The following FERRY3 variants were observed in gnomAD, a reference collection of about 807,000 sequenced individuals.
The protein encoded by FERRY3 is FERRY endosomal RAB5 effector complex subunit 3, also known as protein C12orf4.
At chr12:4,514,877 T>TTAAAG in the FERRY3 span, among the ~76,000 whole-genome samples, 1 of 151,840 alleles carries the variant, frequency 6.6e-6, no homozygotes, top group Admixed American at 6.6e-5. Flanking sequence ...ACCCTAAAAC[T>TTAAAG]TAAAGTATAA....
the FERRY3 span, chr12:4,488,651 C>T: frequency 6.6e-6 from 1 of 152,188 alleles, no homozygotes; most frequent in Non-Finnish European, 1.5e-5. The surrounding 1 kb of genome is among the most constrained non-coding windows in gnomAD (Gnocchi z 4.9). Flanking sequence ...ATAGTTATTA[C>T]ACTGAGGCAT....
the FERRY3 span, among the ~76,000 whole-genome samples, chr12:4,493,070 T>C: frequency 6.6e-6 from 1 of 152,212 alleles, no homozygotes; most frequent in Non-Finnish European, 1.5e-5. Flanking sequence ...GAACCTGATC[T>C]TCATTTTTCA....
the FERRY3 span, among the ~76,000 whole-genome samples, chr12:4,515,516 A>G: frequency 6.6e-6 from 1 of 152,142 alleles, no homozygotes. Flanking sequence ...CCTGGAGGAC[A>G]CTAAGCATCC....
At chr12:4,505,298 ATACT>A in the FERRY3 span, 5 of 1,533,446 alleles carry the variant, frequency 3.3e-6, no homozygotes, top group Non-Finnish European at 3.6e-6. Context: ...ATAAAAAGAA[ATACT>A]TACCAGGTAA....
the FERRY3 span, among the ~76,000 whole-genome samples, chr12:4,530,455 T>C: frequency 6.6e-6 from 1 of 152,204 alleles, no homozygotes; most frequent in Non-Finnish European, 1.5e-5. Context: ...TATTCTAACA[T>C]ACTGTATGGT....
chr12:4,509,725 A>T, the FERRY3 span, among the ~76,000 whole-genome samples: 1 of 142,690 alleles, frequency 7.0e-6, no homozygotes, highest in African/African-American at 2.8e-5. Flanking sequence ...CAGAAAGGAC[A>T]TCCACACCAA....
At chr12:4,537,893 A>T in the FERRY3 span, among the ~76,000 whole-genome samples, 1 of 152,208 alleles carries the variant, frequency 6.6e-6, no homozygotes, top group Non-Finnish European at 1.5e-5. Flanking sequence ...AAGAATGCTC[A>T]TATAAGTTTT....
chr12:4,505,393 C>T, the FERRY3 span: 33 of 1,548,038 alleles, frequency 2.1e-5, no homozygotes, highest in Non-Finnish European at 2.9e-5. Context: ...ATTCATAAGA[C>T]AATGCAATAT....
chr12:4,521,789 A>AAT, the FERRY3 span, among the ~76,000 whole-genome samples: 52 of 152,338 alleles, frequency 3.4e-4, no homozygotes, highest in African/African-American at 1.3e-3. Flanking sequence ...TGTGTGAAAC[A>AAT]ATATATATCA....
At chr12:4,528,900 CACACACACACACACACA>C in the FERRY3 span, among the ~76,000 whole-genome samples, 1 of 91,940 alleles carries the variant, frequency 1.1e-5, no homozygotes, top group African/African-American at 3.3e-5. Context: ...ATCAGTTACA[CACACACACACACACACA>C]CACACACACA....
chr12:4,495,293 C>A, the FERRY3 span, among the ~76,000 whole-genome samples: 1 of 152,120 alleles, frequency 6.6e-6, no homozygotes, highest in Non-Finnish European at 1.5e-5. Context: ...TAAAATATTA[C>A]TCTAAAACCA....
At chr12:4,529,301 GTTA>G in the FERRY3 span, among the ~76,000 whole-genome samples, 1 of 152,100 alleles carries the variant, frequency 6.6e-6, no homozygotes, top group Non-Finnish European at 1.5e-5. Flanking sequence ...CAATACTAGT[GTTA>G]TTATTTTTTT....
At chr12:4,498,719 T>C in the FERRY3 span, among the ~76,000 whole-genome samples, 3 of 152,200 alleles carry the variant, frequency 2.0e-5, no homozygotes, top group African/African-American at 7.2e-5. Context: ...AGTCAATTTT[T>C]CCACAGACTG....
chr12:4,527,327 C>A, the FERRY3 span, among the ~76,000 whole-genome samples: 2 of 151,922 alleles, frequency 1.3e-5, no homozygotes, highest in Admixed American at 6.6e-5. Context: ...AGGCAACTAG[C>A]TAATCATATA....
At chr12:4,526,841 CAA>C in the FERRY3 span, among the ~76,000 whole-genome samples, 251 of 109,780 alleles carry the variant, frequency 2.3e-3, 1 homozygote, top group African/African-American at 6.7e-3. Flanking sequence ...GACTCCATCT[CAA>C]AAAAAAAAAA....
chr12:4,529,482 TA>T, the FERRY3 span, among the ~76,000 whole-genome samples: 1 of 152,148 alleles, frequency 6.6e-6, no homozygotes, highest in African/African-American at 2.4e-5. Context: ...GTTACTTATT[TA>T]AGCAAAAACT....
the FERRY3 span, among the ~76,000 whole-genome samples, chr12:4,506,299 C>A: frequency 2.6e-5 from 4 of 151,982 alleles, no homozygotes; most frequent in African/African-American, 9.7e-5. Context: ...TGAAAACAGA[C>A]CTTCAAACAA....
the FERRY3 span, among the ~76,000 whole-genome samples, chr12:4,524,594 C>A: frequency 6.6e-6 from 1 of 151,944 alleles, no homozygotes; most frequent in Non-Finnish European, 1.5e-5. Context: ...CTGGCATATG[C>A]TGGAAATAGG....
At chr12:4,537,537 A>T in the FERRY3 span, among the ~76,000 whole-genome samples, 2 of 152,204 alleles carry the variant, frequency 1.3e-5, no homozygotes, top group Non-Finnish European at 2.9e-5. Flanking sequence ...AGAACAAAAA[A>T]TTATTCATAC....
Sources: allele counts gnomAD v4.1 joint callset (sites outside exome capture counted in the v4.1 genomes callset), GRCh38; gene constraint gnomAD v4.1.1; non-coding constraint Gnocchi (gnomAD v3.1); transcripts MANE v1.5; gene names NCBI Gene and HGNC (gene_info 2026-07-23, HGNC 2026-07-21).